Variants in SARDH observed in about 807,000 individuals in gnomAD.
SARDH encodes sarcosine dehydrogenase, mitochondrial.
SARDH carries 95 observed loss-of-function variants against 109.1 expected under a neutral mutation model. The observed-to-expected ratio is 0.87, with a 90% CI of 0.74 to 1.03. SARDH has a LOEUF of 1.03. SARDH is among the 50% of genes least tolerant of loss of function. SARDH has a pLI of 0.00. For synonymous variants in SARDH, 572 were observed against 534.8 expected, an observed-to-expected ratio of 1.07 and a Z score of -0.96; for missense variants, 1,267 against 1,287.8, an observed-to-expected ratio of 0.98 and a Z score of 0.25.
At position 133,731,474 on chromosome 9, in the gene SARDH, G is replaced by T; in HGVS notation, c.521C>A (p.Ala174Glu). The change falls in exon 4 of 21, where the codon GCG becomes GAG. Residue 174 changes from alanine (A) to glutamate (E), a missense_variant. Transcript: ENST00000439388. ...EYKRLMSLGK[A>E]YGVESHVLSP... ...CAGCACATGGGATTCCACACCATAC[G>T]CCTTGCCCAGCTAGGGGGACCCAGG... 1 of 1,614,038 alleles carries T rather than the reference G, an allele frequency of 6.2e-7. No individual in the cohort carries two copies.
chr9:133,734,376 T>TTCACTCATTCATTCAC (rs1832799220), intron 1 of SARDH, among the ~76,000 whole-genome samples, 173 bp from the exon 2 acceptor site: 4 of 150,602 alleles, frequency 2.7e-5, no homozygotes, highest in East Asian at 3.9e-4. Flanking sequence ...CATTCATTCA[T>TTCACTCATTCATTCAC]TCACTCATTC....
chr9:133,699,156 G>A lies in SARDH; in HGVS notation c.1669-2795C>T, dbSNP rs542664799. Among the ~76,000 whole-genome samples the A allele has an allele frequency of 1.6e-3, 241 of 152,182 alleles. 5 individuals carry two copies. The highest frequency in any genetic ancestry group is 5.6e-3 in the African/African-American group (234 of 41,516). On this transcript the variant is annotated intron_variant, in intron 13 of 20. Coordinates refer to ENST00000439388, the MANE Select transcript of SARDH (RefSeq NM_001134707.2). ...GAGGTCAGGAGTTCGAGACCAGCCT[G>A]ACCAACATGGAGAAACCCCATCTCT... is the stretch of plus-strand genomic sequence containing the variant.
chr9:133,671,787 G>C, intron 17 of SARDH, 90 bp from the exon 18 acceptor site: 1 of 1,441,888 alleles, frequency 6.9e-7, no homozygotes, highest in Non-Finnish European at 9.3e-7. Context: ...AGCTCCTACT[G>C]TCACCAGGAT....
intron 1 of SARDH, among the ~76,000 whole-genome samples, chr9:133,735,498 G>C (rs1012952357): frequency 6.6e-6 from 1 of 152,222 alleles, no homozygotes; most frequent in African/African-American, 2.4e-5. Context: ...GGGTGCAGGC[G>C]AGGCAGGACA....
intron 13 of SARDH, 126 bp downstream of exon 13, chr9:133,702,789 GA>G: frequency 1.3e-6 from 1 of 754,160 alleles, no homozygotes. Flanking sequence ...AAAAAAGCGT[GA>G]ATGCAGAGCC....
rs1387088866 is a variant in SARDH, at chr9:133,663,993, T to C, written c.2653A>G (p.Ser885Gly). 3 of 1,614,008 alleles carry C rather than the reference T, an allele frequency of 1.9e-6. No homozygotes were observed. The highest frequency in any genetic ancestry group is 2.5e-6 in the Non-Finnish European group (3 of 1,180,006). ...GGPVSLDFVK[S>G]GDYALERMGV... ...ATTCTCTCCAGGGCATAGTCCCCGC[T>C]CTTCACAAAGTCCAGCGAGACCTAG... Residue 885 changes from serine to glycine, a missense_variant, in exon 21 of 21, where the codon AGC becomes GGC. By Grantham distance (56) the Ser-to-Gly change is moderately conservative (BLOSUM62 0). Coordinates refer to ENST00000439388, the MANE Select transcript of SARDH (RefSeq NM_001134707.2).
rs750786738 is a variant in SARDH at position 133,694,368 on chromosome 9, G to A, written c.1811C>T (p.Ser604Phe). Reference sequence around the variant, plus strand: ...GTTGAGCATGCACGTGTACACGGTGGAGCCTGCGAGAGGGAGAAGGAAGCC... The same window carrying A: ...GTTGAGCATGCACGTGTACACGGTGAAGCCTGCGAGAGGGAGAAGGAAGCC... ...FSADVSRPPGSTVYTCMLNHR... is the reference protein window; with the variant it reads ...FSADVSRPPGFTVYTCMLNHR... Residue 604 changes from serine to phenylalanine, a missense_variant, in exon 15 of 21, where the codon TCC becomes TTC. Transcript: ENST00000439388. The A allele has an allele frequency of 9.7e-6, 15 of 1,550,234 alleles. No homozygotes were observed. The South Asian group carries it at 1.5e-4, about 16-fold the overall frequency.
chr9:133,706,013 A>G (rs1017655248), intron 11 of SARDH, among the ~76,000 whole-genome samples: 14 of 152,066 alleles, frequency 9.2e-5, no homozygotes, highest in African/African-American at 2.7e-4. Flanking sequence ...AAATGTGGGG[A>G]AAAAAAAGTT....
At chr9:133,702,009 T>C (rs2427994) in intron 13 of SARDH, among the ~76,000 whole-genome samples, 124,303 of 152,186 alleles carry the variant, frequency 0.82, 51,318 homozygotes, top group East Asian at 0.92. Flanking sequence ...GCGACTGGCC[T>C]AGAGGCCCCA....
chr9:133,700,243 C>T (rs949142865), intron 13 of SARDH, among the ~76,000 whole-genome samples: 2 of 152,060 alleles, frequency 1.3e-5, no homozygotes, highest in Non-Finnish European at 2.9e-5. Context: ...AGAAGAATCG[C>T]TTGAACCTGA....
In SARDH at chr9:133,693,500, G is replaced by A. The variant is rs934903639; in HGVS notation, c.1921+758C>T. Among the ~76,000 whole-genome samples, 1 of 152,258 alleles carries A rather than the reference G, an allele frequency of 6.6e-6. No homozygotes were observed. Among genetic ancestry groups the A allele is most frequent in the African/African-American group, 2.4e-5 (1 of 41,464 alleles). On this transcript the variant is annotated intron_variant, in intron 15 of 20. Coordinates refer to ENST00000439388, the MANE Select transcript of SARDH (RefSeq NM_001134707.2). The surrounding 1 kb of genome is among the most constrained non-coding windows in gnomAD (Gnocchi z 5.6). ...GCCCCTGCCCCGGGGACAGCACAGA[G>A]AGCTGCACGGTCAGCACCTTCCCCT...
intron 6 of SARDH, among the ~76,000 whole-genome samples, chr9:133,719,628 C>A (rs981103236): frequency 3.0e-5 from 4 of 132,214 alleles, no homozygotes; most frequent in Non-Finnish European, 6.5e-5. Context: ...GGACTGCCAT[C>A]CCCCCACCCC....
At chr9:133,674,568 A>G (rs1349454331) in intron 17 of SARDH, among the ~76,000 whole-genome samples, 1 of 152,262 alleles carries the variant, frequency 6.6e-6, no homozygotes, top group African/African-American at 2.4e-5. Context: ...GCAAAGTTGG[A>G]GAAAGTGAAG....
intron 17 of SARDH, among the ~76,000 whole-genome samples, chr9:133,683,967 G>A (rs1309697855): frequency 6.6e-6 from 1 of 152,198 alleles, no homozygotes; most frequent in Non-Finnish European, 1.5e-5. Flanking sequence ...CTTTAGCCGG[G>A]CGGCCCTGAG....
rs1418021342 is a variant in SARDH at position 133,692,715 on chromosome 9, C to A, written c.1921+1543G>T. On this transcript the variant is annotated intron_variant, in intron 15 of 20. Transcript: ENST00000439388. The surrounding 1 kb of genome is among the most constrained non-coding windows in gnomAD (Gnocchi z 5.0). ...CCCACCGGCCTCCTTCACCTCCTCC[C>A]GACCCTGGCTACCTGGTGCTTCCAC... 6.6e-6 allele frequency among the ~76,000 whole-genome samples: 1 copy of A among 152,172 alleles called. No homozygotes were observed.
In SARDH at chr9:133,666,291, T is replaced by C. The variant is rs941753565; in HGVS notation, c.2631+444A>G. Among the ~76,000 whole-genome samples, 12 of 152,206 alleles carry C rather than the reference T, an allele frequency of 7.9e-5. No individual in the cohort carries two copies. Among genetic ancestry groups the C allele is most frequent in the African/African-American group, 2.9e-4 (12 of 41,522 alleles). On this transcript the variant is annotated intron_variant, in intron 20 of 20. Coordinates refer to ENST00000439388, the MANE Select transcript of SARDH (RefSeq NM_001134707.2). This position sits in a 1 kb window ranked among gnomAD's most constrained non-coding sequence, Gnocchi z 5.2. ...CCCCAGGCAAAGGGTGGGCTGTGGGTGGCCTGAGGTTTGGGTCTCTGGTGT... is the reference window on the plus strand; with the variant it reads ...CCCCAGGCAAAGGGTGGGCTGTGGGCGGCCTGAGGTTTGGGTCTCTGGTGT...
intron 11 of SARDH, 27 bp downstream of exon 11, chr9:133,708,260 C>A: frequency 6.2e-7 from 1 of 1,602,300 alleles, no homozygotes; most frequent in South Asian, 1.1e-5. Flanking sequence ...CGCTGCCAGT[C>A]CCCAGCAGGA....
chr9:133,688,798 G>A (rs1044638840), intron 16 of SARDH, among the ~76,000 whole-genome samples: 1 of 152,244 alleles, frequency 6.6e-6, no homozygotes, highest in East Asian at 1.9e-4. Flanking sequence ...GCAGGGTTCT[G>A]CCCAAATGTC....
chr9:133,735,348 A>G (rs1190541064), intron 1 of SARDH, among the ~76,000 whole-genome samples: 1 of 152,136 alleles, frequency 6.6e-6, no homozygotes, highest in Non-Finnish European at 1.5e-5. Context: ...GCTCCTTCCC[A>G]GCTGACCCAC....
Sources: allele counts gnomAD v4.1 joint callset (sites outside exome capture counted in the v4.1 genomes callset), GRCh38; gene constraint gnomAD v4.1.1; non-coding constraint Gnocchi (gnomAD v3.1); transcripts MANE v1.5; gene names NCBI Gene and HGNC (gene_info 2026-07-23, HGNC 2026-07-21).